The following UBIAD1 variants were observed in gnomAD, a reference collection of about 807,000 sequenced individuals.
The protein encoded by UBIAD1 is UbiA prenyltransferase domain containing 1, also known as ubiA prenyltransferase domain-containing protein 1.
UBIAD1 carries 12 observed loss-of-function variants against 20.1 expected under a neutral mutation model. That is an observed-to-expected ratio of 0.60 (90% CI 0.38 to 0.97). UBIAD1 has a LOEUF of 0.97. Ranked by LOEUF, UBIAD1 falls within the 50% of genes least tolerant of loss-of-function variation. The probability of loss-of-function intolerance (pLI) is 0.00; values close to 1 mark genes in which losing one functional copy is unlikely to be tolerated. For synonymous variants in UBIAD1, 207 were observed against 189.2 expected (o/e 1.09, Z -0.77); for missense variants, 333 against 419.5 (o/e 0.79, Z 1.80).
intron 1 of UBIAD1, among the ~76,000 whole-genome samples, chr1:11,274,905 G>A (rs1157466788): frequency 6.6e-6 from 1 of 152,148 alleles, no homozygotes; most frequent in African/African-American, 2.4e-5. Flanking sequence ...ACCATGCCCG[G>A]CCTATATGGA....
At chr1:11,292,705 A>G (rs993485594), downstream of UBIAD1, among the ~76,000 whole-genome samples, 2 of 150,840 alleles carry the variant, frequency 1.3e-5, no homozygotes, top group African/African-American at 4.9e-5. Context: ...ACACACACAC[A>G]CACACACTCA....
chr1:11,282,959 C>T (rs1383770557), intron 1 of UBIAD1, among the ~76,000 whole-genome samples: 2 of 151,910 alleles, frequency 1.3e-5, no homozygotes, highest in Non-Finnish European at 2.9e-5. Flanking sequence ...CTCCAGGGTT[C>T]AAGCGGTTCT....
At chr1:11,290,791 C>T (rs534932200), downstream of UBIAD1, among the ~76,000 whole-genome samples, 1 of 152,218 alleles carries the variant, frequency 6.6e-6, no homozygotes, top group African/African-American at 2.4e-5. Flanking sequence ...CCAGCCTGGC[C>T]AACATGGTGA....
chr1:11,288,748 A>G (rs1486860646), downstream of UBIAD1, among the ~76,000 whole-genome samples: 1 of 152,156 alleles, frequency 6.6e-6, no homozygotes, highest in Non-Finnish European at 1.5e-5. Context: ...TCTCTACAAA[A>G]AAAATTTTAA....
At chr1:11,290,098 T>C (rs1005541657), downstream of UBIAD1, among the ~76,000 whole-genome samples, 1 of 152,132 alleles carries the variant, frequency 6.6e-6, no homozygotes, top group Non-Finnish European at 1.5e-5. Context: ...AATCCTGACC[T>C]CAGGCTATCT....
rs1468104633 is a variant in UBIAD1 at position 11,273,760 on chromosome 1, G to A, written c.229G>A (p.Gly77Ser). 6.2e-7 allele frequency: 1 copy of A among 1,614,108 alleles called. No individual in the cohort carries two copies. The highest frequency in any genetic ancestry group is 2.2e-5 in the East Asian group (1 of 44,884). ...CAGTGCCCTTGCCTACAGATCCCACGGTGTCCTGGATCCCAGGCTCTTGGT... is the reference window on the plus strand; with the variant it reads ...CAGTGCCCTTGCCTACAGATCCCACAGTGTCCTGGATCCCAGGCTCTTGGT... ...LGSALAYRSH[G>S]VLDPRLLVGC... The change falls in exon 1 of 2, where the codon GGT becomes AGT. Residue 77 changes from glycine to serine, a missense_variant. By Grantham distance (56) the Gly-to-Ser change is moderately conservative (BLOSUM62 0). Around this residue, in one of 3 missense-constraint regions of UBIAD1, gnomAD observed 50 missense variants for 101.2 expected, o/e 0.49. Transcript: ENST00000376810. The surrounding 1 kb of genome is among the most constrained non-coding windows in gnomAD (Gnocchi z 4.9).
intron 1 of UBIAD1, among the ~76,000 whole-genome samples, chr1:11,277,515 C>T (rs1652089519): frequency 6.6e-6 from 1 of 152,010 alleles, no homozygotes; most frequent in Non-Finnish European, 1.5e-5. Flanking sequence ...CTCAAGTGAT[C>T]AACCCTCCTT....
At chr1:11,282,755 TG>T (rs1479794832) in intron 1 of UBIAD1, among the ~76,000 whole-genome samples, 4 of 150,094 alleles carry the variant, frequency 2.7e-5, no homozygotes, top group African/African-American at 9.8e-5. Flanking sequence ...TTAGTAGAGA[TG>T]GGGTTTCTCC....
At chr1:11,292,947 G>A (rs1638391421), downstream of UBIAD1, among the ~76,000 whole-genome samples, 1 of 152,190 alleles carries the variant, frequency 6.6e-6, no homozygotes, top group Admixed American at 6.5e-5. Flanking sequence ...CCCACTGTGA[G>A]TGACTAAGCT....
chr1:11,282,546 T>C (rs2101020526), intron 1 of UBIAD1, among the ~76,000 whole-genome samples: 1 of 151,044 alleles, frequency 6.6e-6, no homozygotes, highest in Admixed American at 6.6e-5. Flanking sequence ...CTGCTCAACC[T>C]TGCTTACATC....
At chr1:11,288,585 G>T (rs1638311481), downstream of UBIAD1, among the ~76,000 whole-genome samples, 1 of 152,096 alleles carries the variant, frequency 6.6e-6, no homozygotes, top group Non-Finnish European at 1.5e-5. Flanking sequence ...GTTTGGGTAG[G>T]GTTTGACCAG....
chr1:11,287,394 T>C lies in UBIAD1; in HGVS notation c.*1263T>C, dbSNP rs1638290514. The C allele has an allele frequency of 6.6e-6, 1 of 152,212 alleles. No homozygotes were observed. Among genetic ancestry groups the C allele is most frequent in the Non-Finnish European group, 1.5e-5 (1 of 68,026 alleles). 9.4% of individuals were successfully genotyped at this position (152,212 alleles called of 1,614,324 possible). A position where few individuals can be genotyped will look rare whatever the true frequency, so the allele number is the denominator to read the frequency against. On this transcript the variant is annotated 3_prime_UTR_variant, in exon 2 of 2. Coordinates refer to ENST00000376810, the MANE Select transcript of UBIAD1 (RefSeq NM_013319.3). ...TTATCCTGGCTGCGTTTCATTGCAT[T>C]GTCTGTGAAGTATAATTTCTGGGCC... is the stretch of plus-strand genomic sequence containing the variant.
In UBIAD1 at chr1:11,273,740, C is replaced by A. The variant is rs1245283873; in HGVS notation, c.209C>A (p.Ala70Asp). 1 of 1,614,098 alleles carries A rather than the reference C, an allele frequency of 6.2e-7. No homozygotes were observed. The highest frequency in any genetic ancestry group is 8.5e-7 in the Non-Finnish European group (1 of 1,180,008). The change falls in exon 1 of 2, where the codon GCC becomes GAC. Residue 70 changes from alanine to aspartate, a missense_variant. Physicochemically the swap from Ala to Asp is moderately radical, Grantham distance 126. Coordinates refer to ENST00000376810, the MANE Select transcript of UBIAD1 (RefSeq NM_013319.3). This position sits in a 1 kb window ranked among gnomAD's most constrained non-coding sequence, Gnocchi z 4.9. ...ASLTPVALGS[A>D]LAYRSHGVLD... ...CTCACACCGGTGGCCCTGGGCAGTG[C>A]CCTTGCCTACAGATCCCACGGTGTC...
intron 1 of UBIAD1, among the ~76,000 whole-genome samples, chr1:11,281,377 G>T (rs1326791092): frequency 6.6e-6 from 1 of 152,040 alleles, no homozygotes; most frequent in South Asian, 2.1e-4. Context: ...CCCTTCGACT[G>T]CGAGCTCCCT....
chr1:11,295,151 C>T (rs1291606608), exon 2 of UBIAD1: 23 of 535,240 alleles, frequency 4.3e-5, no homozygotes, highest in Non-Finnish European at 6.4e-5. Context: ...GAATAAACAA[C>T]GACCACAGAA....
At position 11,274,087 on chromosome 1, in the gene UBIAD1, G is replaced by T. The variant is rs760300911; in HGVS notation, c.529+27G>T. ...TAAGATTTGGCCTGTCCTGTGTGCT[G>T]CAGGTCTTAGTCGCGTCCACTGGAA... On this transcript the variant is annotated intron_variant, in intron 1 of 1. Transcript: ENST00000376810. 5.1e-5 allele frequency: 83 copies of T among 1,613,522 alleles called. 1 individual carries two copies. In the Admixed American group the frequency reaches 1.3e-3, roughly 26 times the overall value.
At chr1:11,276,325 G>GT (rs559327213) in intron 1 of UBIAD1, among the ~76,000 whole-genome samples, 2,051 of 147,764 alleles carry the variant, frequency 0.014, 44 homozygotes, top group African/African-American at 0.047. Flanking sequence ...TAACTCAAAG[G>GT]TTTTTTTTTT....
At chr1:11,297,966 T>TG (rs933402055), downstream of UBIAD1, among the ~76,000 whole-genome samples, 4 of 141,386 alleles carry the variant, frequency 2.8e-5, no homozygotes, top group African/African-American at 1.3e-4. Context: ...TTTGTTTTTT[T>TG]GTTTTTTTTT....
At chr1:11,297,317 A>G (rs1638464765), downstream of UBIAD1, among the ~76,000 whole-genome samples, 1 of 152,156 alleles carries the variant, frequency 6.6e-6, no homozygotes, top group Non-Finnish European at 1.5e-5. Context: ...TCCTTCCTCC[A>G]TGGGAGGACA....
Sources: allele counts gnomAD v4.1 joint callset (sites outside exome capture counted in the v4.1 genomes callset), GRCh38; gene constraint gnomAD v4.1.1; regional missense constraint gnomAD v4.1.1; non-coding constraint Gnocchi (gnomAD v3.1); transcripts MANE v1.5; gene names NCBI Gene and HGNC (gene_info 2026-07-23, HGNC 2026-07-21).